The following NOS1 variants were observed in gnomAD, a reference collection of about 807,000 sequenced individuals.
NOS1 encodes the protein nitric oxide synthase 1.
In NOS1, 51 loss-of-function variants were observed where a neutral mutation model predicts 164.5. The observed-to-expected ratio is 0.31, with a 90% CI of 0.25 to 0.39. The LOEUF is 0.39. Ranked by LOEUF, NOS1 falls within the 10% of genes least tolerant of loss-of-function variation. NOS1 has a pLI of 1.00. For synonymous variants in NOS1, 719 were observed against 745.8 expected (o/e 0.96, Z 0.59); for missense variants, 1,362 against 1,885.6 (o/e 0.72, Z 5.14).
At chr12:117,344,809 G>A (rs1160108151) in intron 1 of NOS1, among the ~76,000 whole-genome samples, 1 of 152,090 alleles carries the variant, frequency 6.6e-6, no homozygotes, top group Non-Finnish European at 1.5e-5. Flanking sequence ...GGGGAAAACA[G>A]GCCATGGCAT....
At chr12:117,218,706 A>T (rs1315037651) in intron 27 of NOS1, among the ~76,000 whole-genome samples, 1 of 152,116 alleles carries the variant, frequency 6.6e-6, no homozygotes, top group Non-Finnish European at 1.5e-5. Context: ...CCCAGAAAGA[A>T]GCAAGCAAAG....
chr12:117,242,471 A>C (rs1003647812), intron 20 of NOS1, among the ~76,000 whole-genome samples, 156 bp downstream of exon 20: 1 of 152,230 alleles, frequency 6.6e-6, no homozygotes, highest in African/African-American at 2.4e-5. Context: ...AAAGGAAAGC[A>C]GGAACCCCAG....
At chr12:117,215,920 C>G (rs1403318209) in intron 28 of NOS1, among the ~76,000 whole-genome samples, 2 of 142,366 alleles carry the variant, frequency 1.4e-5, no homozygotes, top group Non-Finnish European at 3.0e-5. Flanking sequence ...CTGTGTCGCC[C>G]AGGCTGAAGT....
intron 2 of NOS1, among the ~76,000 whole-genome samples, chr12:117,327,280 G>A (rs1375955524): frequency 1.3e-5 from 2 of 152,182 alleles, no homozygotes; most frequent in Non-Finnish European, 2.9e-5. Flanking sequence ...GGACAGGGAG[G>A]GTGGTAGAGG....
At chr12:117,223,412 C>A (rs935041771) in intron 25 of NOS1, among the ~76,000 whole-genome samples, 6 of 151,600 alleles carry the variant, frequency 4.0e-5, no homozygotes, top group Non-Finnish European at 5.9e-5. Context: ...CAGGTGCCTG[C>A]AACCGCGCCT....
At chr12:117,231,309 C>T (rs1869201863) in intron 22 of NOS1, among the ~76,000 whole-genome samples, 1 of 150,032 alleles carries the variant, frequency 6.7e-6, no homozygotes, top group Non-Finnish European at 1.5e-5. Flanking sequence ...GAGAGTGAGA[C>T]TCTGTCTCAG....
In NOS1 at chr12:117,255,887, GCA is replaced by G. The variant is rs1871398892; in HGVS notation, c.2532-2135_2532-2134del. 8.4e-5 allele frequency: 98 copies of G among 1,172,110 alleles called. No homozygotes were observed. In the East Asian group the frequency reaches 2.8e-3, roughly 33 times the overall value. The allele number at this position is 1,172,110 out of a possible 1,614,324, so 72.6% of individuals were successfully genotyped here. ...CCTGGGATGCTCAGGCATTGGGTGT[GCA>G]TGCATACACTCGCACACACCTGCGT... On this transcript the variant is annotated intron_variant, in intron 16 of 28. Coordinates refer to ENST00000317775, the MANE Select transcript of NOS1 (RefSeq NM_000620.5).
chr12:117,244,181 CTTT>C (rs1169893493), intron 18 of NOS1, among the ~76,000 whole-genome samples: 1 of 144,836 alleles, frequency 6.9e-6, no homozygotes. Flanking sequence ...ATACATTTTT[CTTT>C]TTTTTTTTTG....
chr12:117,333,591 G>A (rs968958654), intron 1 of NOS1, among the ~76,000 whole-genome samples: 7 of 152,154 alleles, frequency 4.6e-5, no homozygotes, highest in African/African-American at 9.6e-5. Context: ...CCTGCATTAC[G>A]TAACTCTGTC....
At chr12:117,294,416 C>T (rs570808752) in intron 3 of NOS1, among the ~76,000 whole-genome samples, 3 of 152,118 alleles carry the variant, frequency 2.0e-5, no homozygotes, top group South Asian at 2.1e-4. Flanking sequence ...GTGGTCGTTA[C>T]GAGTCAAGTA....
At chr12:117,337,154 C>T (rs1357080023) in intron 1 of NOS1, among the ~76,000 whole-genome samples, 2 of 123,558 alleles carry the variant, frequency 1.6e-5, no homozygotes, top group Admixed American at 1.0e-4. Context: ...CTTGCTCTGT[C>T]GCCCAGGCTG....
intron 2 of NOS1, among the ~76,000 whole-genome samples, chr12:117,324,354 C>T (rs905616946): frequency 1.1e-4 from 16 of 152,158 alleles, no homozygotes; most frequent in Admixed American, 4.6e-4. Context: ...GACACTGGAT[C>T]GGGGACCTTG....
At position 117,308,972 on chromosome 12, in the gene NOS1, C is replaced by T. The variant is rs527925933; in HGVS notation, c.852+2494G>A. ...TGAAACATTGGCAATACATTTAAAA[C>T]ATAACTATAAATTATCTCTTAATAC... is the stretch of plus-strand genomic sequence containing the variant. On this transcript the variant is annotated intron_variant, in intron 3 of 28. Coordinates refer to ENST00000317775, the MANE Select transcript of NOS1 (RefSeq NM_000620.5). Among the ~76,000 whole-genome samples, 17 of 152,288 alleles carry T rather than the reference C, an allele frequency of 1.1e-4. 1 individual carries two copies. The South Asian group carries it at 3.3e-3, about 30-fold the overall frequency.
At chr12:117,247,022 C>A (rs1592947686) in intron 18 of NOS1, among the ~76,000 whole-genome samples, 2 of 152,216 alleles carry the variant, frequency 1.3e-5, no homozygotes, top group East Asian at 3.9e-4. Flanking sequence ...GTTTGGTTGA[C>A]CATCTCTTGT....
intron 1 of NOS1, among the ~76,000 whole-genome samples, chr12:117,345,857 T>TCAAA (rs958220235): frequency 2.0e-5 from 3 of 152,168 alleles, no homozygotes; most frequent in Non-Finnish European, 4.4e-5. Flanking sequence ...AGACCTTGTC[T>TCAAA]CAAACAAACA....
In NOS1 at chr12:117,212,618, A is replaced by C. The variant is rs1441004130; in HGVS notation, c.*2691T>G. 2 of 985,302 alleles carry C rather than the reference A, an allele frequency of 2.0e-6. No homozygotes were observed. The highest frequency in any genetic ancestry group is 2.4e-6 in the Non-Finnish European group (2 of 829,938). 61.0% of individuals were successfully genotyped at this position (985,302 alleles called of 1,614,324 possible). ...TTTGTGAAATGGGGCTGGAGCTGCT[A>C]CTGGTCAATTCAGGGGGAAGAGGGA... On this transcript the variant is annotated 3_prime_UTR_variant, in exon 29 of 29. Transcript: ENST00000317775.
At position 117,247,334 on chromosome 12, in the gene NOS1, G is replaced by A. The variant is rs2291907; in HGVS notation, c.2823+14C>T. 2.5e-4 allele frequency: 392 copies of A among 1,578,454 alleles called. 4 individuals carry two copies. In the East Asian group the frequency reaches 8.5e-3, roughly 34 times the overall value. On this transcript the variant is annotated intron_variant, in intron 18 of 28. Coordinates refer to ENST00000317775, the MANE Select transcript of NOS1 (RefSeq NM_000620.5). ...GCATTACTTTTTCCTGTAGGTCCAT[G>A]AGATCCAGATTACCTTGAAGACCTT...
At position 117,213,294 on chromosome 12, in the gene NOS1, C is replaced by G; in HGVS notation, c.*2015G>C. On this transcript the variant is annotated 3_prime_UTR_variant, in exon 29 of 29. Coordinates refer to ENST00000317775, the MANE Select transcript of NOS1 (RefSeq NM_000620.5). ...GGAAAGAAAGCCTTTGGGAGGAAAG[C>G]TACTAGGAGCTGGAAATGGGTTTGC... 1.0e-6 allele frequency: 1 copy of G among 985,478 alleles called. No individual in the cohort carries two copies. Among genetic ancestry groups the G allele is most frequent in the South Asian group, 4.7e-5 (1 of 21,290 alleles). The allele number at this position is 985,478 out of a possible 1,614,324, so 61.0% of individuals were successfully genotyped here.
At chr12:117,324,074 C>T (rs1875119822) in intron 2 of NOS1, among the ~76,000 whole-genome samples, 1 of 152,038 alleles carries the variant, frequency 6.6e-6, no homozygotes, top group Admixed American at 6.6e-5. Flanking sequence ...CACACCTGGC[C>T]TGTCTCTTTA....
Sources: gnomAD v4.1 joint callset for allele counts (sites outside exome capture counted in the v4.1 genomes callset) on GRCh38, gnomAD v4.1.1 for gene constraint, MANE v1.5 for transcripts, NCBI Gene and HGNC (gene_info 2026-07-23, HGNC 2026-07-21) for gene names.